The following TAF5 variants were observed in gnomAD, a reference collection of about 807,000 sequenced individuals.
TAF5 encodes transcription initiation factor TFIID subunit 5.
Under a neutral mutation model 80.9 loss-of-function variants are expected in TAF5, and 20 were observed. The observed-to-expected ratio is 0.25, with a 90% CI of 0.17 to 0.36. The LOEUF (loss-of-function observed/expected upper bound fraction) is 0.36. Ranked by LOEUF, TAF5 falls within the 10% of genes least tolerant of loss-of-function variation. The pLI is 1.00. For missense variants in TAF5, 863 were observed against 1,029.4 expected (o/e 0.84, Z 2.21); for synonymous variants, 388 against 406.4 (o/e 0.95, Z 0.55).
chr10:103,380,920 C>T (rs965540151), intron 5 of TAF5, among the ~76,000 whole-genome samples: 6 of 151,932 alleles, frequency 3.9e-5, no homozygotes, highest in African/African-American at 1.5e-4. Flanking sequence ...CGTGCCCAGC[C>T]ATATAAACCT....
rs1325445424 is a variant in TAF5 at position 103,368,563 on chromosome 10, C to G, written c.559+15C>G. 19 of 1,474,094 alleles carry G rather than the reference C, an allele frequency of 1.3e-5. No homozygotes were observed. The highest frequency in any genetic ancestry group is 1.7e-5 in the Non-Finnish European group (19 of 1,120,526). 91.3% of individuals were successfully genotyped at this position (1,474,094 alleles called of 1,614,324 possible). On this transcript the variant is annotated intron_variant, in intron 1 of 10. Transcript: ENST00000369839. The stretch of plus-strand genomic sequence containing the variant: ...TCCGGGTAAAGGTGAGCCGTGGGGT[C>G]CCGGGTAGGTACGGCCGCCGCGAAG...
Position 103,378,152 on chromosome 10 carries a change from G to A in TAF5, c.798-83G>A. The A allele has an allele frequency of 8.4e-7, 1 of 1,196,294 alleles. No homozygotes were observed. The highest frequency in any genetic ancestry group is 1.2e-6 in the Non-Finnish European group (1 of 846,072). The allele number at this position is 1,196,294 out of a possible 1,614,324, so 74.1% of individuals were successfully genotyped here. A position where few individuals can be genotyped will look rare whatever the true frequency, so the allele number is the denominator to read the frequency against. On this transcript the variant is annotated intron_variant, in intron 2 of 10. Transcript: ENST00000369839. This position sits in a 1 kb window ranked among gnomAD's most constrained non-coding sequence, Gnocchi z 4.1. ...TAGACTACTACATTGAAAATATTCT[G>A]GGATGGTTTATAAGTATATGGGGGA...
chr10:103,384,798 A>G (rs1351324352), intron 7 of TAF5, among the ~76,000 whole-genome samples: 6 of 152,216 alleles, frequency 3.9e-5, no homozygotes, highest in Admixed American at 3.9e-4. Context: ...CCTTCTGACT[A>G]TCAATCTTTT....
At chr10:103,368,683 C>G in intron 1 of TAF5, 135 bp downstream of exon 1, 1 of 1,223,514 alleles carries the variant, frequency 8.2e-7, no homozygotes, top group Non-Finnish European at 1.1e-6. Flanking sequence ...CATGCCCGCC[C>G]CTTTCTCTAG....
chr10:103,386,480 C>T (rs531636286), intron 8 of TAF5, among the ~76,000 whole-genome samples: 1 of 152,182 alleles, frequency 6.6e-6, no homozygotes, highest in African/African-American at 2.4e-5. Context: ...GGGGAAAATA[C>T]TTTTCTGTGG....
intron 10 of TAF5, 106 bp from the exon 11 acceptor site, chr10:103,387,900 T>C (rs2093401219): frequency 8.2e-7 from 1 of 1,226,590 alleles, no homozygotes; most frequent in African/African-American, 1.5e-5. Flanking sequence ...TGGTCAAGTT[T>C]AGATTTTTCA....
intron 1 of TAF5, among the ~76,000 whole-genome samples, chr10:103,371,018 G>A (rs1032985713): frequency 1.2e-4 from 18 of 152,210 alleles, no homozygotes; most frequent in African/African-American, 4.3e-4. Flanking sequence ...AGGCGGGTGG[G>A]TCACTTGAGG....
At chr10:103,369,322 C>T (rs2093353641) in intron 1 of TAF5, among the ~76,000 whole-genome samples, 1 of 148,540 alleles carries the variant, frequency 6.7e-6, no homozygotes, top group African/African-American at 2.5e-5. Flanking sequence ...ATCATGTACC[C>T]CCTGAATCTC....
intron 2 of TAF5, among the ~76,000 whole-genome samples, 197 bp downstream of exon 2, chr10:103,373,792 A>T (rs1344457607): frequency 6.6e-6 from 1 of 152,186 alleles, no homozygotes; most frequent in East Asian, 1.9e-4. Flanking sequence ...AGGCTTCCAG[A>T]GGAAATGATA....
At chr10:103,384,605 T>G (rs1411760166) in intron 7 of TAF5, among the ~76,000 whole-genome samples, 2 of 152,134 alleles carry the variant, frequency 1.3e-5, no homozygotes, top group African/African-American at 4.8e-5. Context: ...CACTCCAGCC[T>G]GGGTGATAAG....
At chr10:103,375,048 G>C (rs922301295) in intron 2 of TAF5, among the ~76,000 whole-genome samples, 1 of 145,078 alleles carries the variant, frequency 6.9e-6, no homozygotes, top group Non-Finnish European at 1.5e-5. Context: ...GAACCTGGGA[G>C]ATAGAGGTTG....
At chr10:103,371,794 C>T (rs900052250) in intron 1 of TAF5, among the ~76,000 whole-genome samples, 15 of 152,148 alleles carry the variant, frequency 9.9e-5, no homozygotes, top group African/African-American at 3.4e-4. Flanking sequence ...GGGAATGTTA[C>T]TGCAGTGCAT....
intron 2 of TAF5, among the ~76,000 whole-genome samples, chr10:103,377,699 T>C (rs1463251307): frequency 6.6e-6 from 1 of 152,220 alleles, no homozygotes; most frequent in Non-Finnish European, 1.5e-5. Context: ...GTCTGGTACA[T>C]GTTTCCAATA....
At chr10:103,387,068 G>T in intron 8 of TAF5, 107 bp from the exon 9 acceptor site, 1 of 1,163,074 alleles carries the variant, frequency 8.6e-7, no homozygotes. Flanking sequence ...GGCCCACTCA[G>T]AACTAACTTT....
chr10:103,388,121 G>C lies in TAF5; in HGVS notation c.2301G>C (p.Glu767Asp), dbSNP rs1463107183. 1.2e-6 allele frequency: 2 copies of C among 1,614,048 alleles called. No homozygotes were observed. Among genetic ancestry groups the C allele is most frequent in the East Asian group, 4.5e-5 (2 of 44,852 alleles). Residue 767 changes from glutamate to aspartate, a missense_variant, in exon 11 of 11, where the codon GAG becomes GAC. Coordinates refer to ENST00000369839, the MANE Select transcript of TAF5 (RefSeq NM_006951.5). ...TAAATTTACCTGAGAATTCACAGGA[G>C]TTATTGTTGGGAACATATATGACCA... is the stretch of plus-strand genomic sequence containing the variant. ...GHINLPENSQELLLGTYMTKS... is the reference protein window; with the variant it reads ...GHINLPENSQDLLLGTYMTKS...
At chr10:103,368,590 G>A (rs1464960046) in intron 1 of TAF5, 42 bp downstream of exon 1, 4 of 1,449,090 alleles carry the variant, frequency 2.8e-6, no homozygotes, top group South Asian at 2.9e-5. Flanking sequence ...GCCGCGAAGG[G>A]GAGCAAGCCG....
intron 8 of TAF5, among the ~76,000 whole-genome samples, chr10:103,386,419 G>A (rs1430403501): frequency 1.3e-5 from 2 of 152,176 alleles, no homozygotes; most frequent in African/African-American, 4.8e-5. Flanking sequence ...TAGCCTGGAT[G>A]ACAGAGTGAG....
In TAF5 at chr10:103,378,666, GTTTGT is replaced by G; in HGVS notation, c.1113+121_1113+125del. 1.6e-6 allele frequency: 2 copies of G among 1,272,378 alleles called. No individual in the cohort carries two copies. The highest frequency in any genetic ancestry group is 2.5e-5 in the East Asian group (1 of 39,514). The allele number at this position is 1,272,378 out of a possible 1,614,324, so 78.8% of individuals were successfully genotyped here. A position where few individuals can be genotyped will look rare whatever the true frequency, so the allele number is the denominator to read the frequency against. ...AGCTTGGAAACAATTTTTTTCGTTTGTTTGTTTTGAGACGGAGTTTTGCTCTTGTC... is the reference window on the plus strand; with the variant it reads ...AGCTTGGAAACAATTTTTTTCGTTTGTTTGAGACGGAGTTTTGCTCTTGTC... On this transcript the variant is annotated intron_variant, in intron 3 of 10. Coordinates refer to ENST00000369839, the MANE Select transcript of TAF5 (RefSeq NM_006951.5). This position sits in a 1 kb window ranked among gnomAD's most constrained non-coding sequence, Gnocchi z 4.1.
chr10:103,380,887 C>G (rs1237148117), intron 5 of TAF5, among the ~76,000 whole-genome samples: 1 of 152,152 alleles, frequency 6.6e-6, no homozygotes, highest in East Asian at 1.9e-4. Flanking sequence ...TCCCAAAGTG[C>G]TGGGATTACA....
Sources: gnomAD v4.1 joint callset for allele counts (sites outside exome capture counted in the v4.1 genomes callset) on GRCh38, gnomAD v4.1.1 for gene constraint, Gnocchi (gnomAD v3.1) non-coding constraint, MANE v1.5 for transcripts, NCBI Gene and HGNC (gene_info 2026-07-23, HGNC 2026-07-21) for gene names.